Variants in AIG1 observed in about 807,000 individuals in gnomAD.
The protein encoded by AIG1 is androgen-induced gene 1 protein.
In AIG1, 23 loss-of-function variants were observed where a neutral mutation model predicts 31.4. The observed-to-expected ratio is 0.73, with a 90% CI of 0.53 to 1.04. AIG1 has a LOEUF of 1.04. Ranked by LOEUF, AIG1 falls within the 50% of genes least tolerant of loss-of-function variation. The pLI, the probability that AIG1 is intolerant of heterozygous loss-of-function variation, is 0.00. For synonymous variants in AIG1, 100 were observed against 110.5 expected (o/e 0.90, Z 0.60); for missense variants, 274 against 295.0 (o/e 0.93, Z 0.52).
At chr6:143,093,111 G>C (rs1478363795) in intron 1 of AIG1, among the ~76,000 whole-genome samples, 1 of 152,096 alleles carries the variant, frequency 6.6e-6, no homozygotes, top group Non-Finnish European at 1.5e-5. Flanking sequence ...GCCAGGCATT[G>C]ACTTCTCATT....
In AIG1 at chr6:143,299,218, C is replaced by G. The variant is rs1397455102; in HGVS notation, c.515+14993C>G. The G allele has an allele frequency of 6.6e-6, 1 of 152,226 alleles. No homozygotes were observed. The allele number at this position is 152,226 out of a possible 1,614,324, so 9.4% of individuals were successfully genotyped here. A position where few individuals can be genotyped will look rare whatever the true frequency, so the allele number is the denominator to read the frequency against. On this transcript the variant is annotated intron_variant, in intron 4 of 5. Transcript: ENST00000357847. The surrounding 1 kb of genome is among the most constrained non-coding windows in gnomAD (Gnocchi z 4.1). ...CTCCTGTTTGACATCCAGGACAGAG[C>G]AGTACCACTTCTCCTTAGCATCATG... is the stretch of plus-strand genomic sequence containing the variant.
intron 3 of AIG1, among the ~76,000 whole-genome samples, chr6:143,170,586 AGTTT>A (rs1232564757): frequency 1.0e-5 from 1 of 97,920 alleles, no homozygotes; most frequent in Non-Finnish European, 2.1e-5. Context: ...CAAAAAAACA[AGTTT>A]TTTTTTTTTT....
intron 1 of AIG1, among the ~76,000 whole-genome samples, chr6:143,061,891 C>T (rs954407687): frequency 6.6e-6 from 1 of 152,236 alleles, no homozygotes; most frequent in African/African-American, 2.4e-5. Context: ...CAATAATGAA[C>T]TCATGGATGG....
At position 143,326,016 on chromosome 6, in the gene AIG1, C is replaced by T. The variant is rs149584999; in HGVS notation, c.516-7266C>T. 5.5e-3 allele frequency among the ~76,000 whole-genome samples: 845 copies of T among 152,298 alleles called. 3 individuals carry two copies. Among genetic ancestry groups the T allele is most frequent in the Non-Finnish European group, 8.7e-3 (592 of 68,014 alleles). On this transcript the variant is annotated intron_variant, in intron 4 of 5. Coordinates refer to ENST00000357847, the MANE Select transcript of AIG1 (RefSeq NM_016108.4). This position sits in a 1 kb window ranked among gnomAD's most constrained non-coding sequence, Gnocchi z 4.5. ...CCAGCTCTCATGACAATCTCCAGCACGCCACACTCATGACTCAACAGTTTG... is the reference window on the plus strand; with the variant it reads ...CCAGCTCTCATGACAATCTCCAGCATGCCACACTCATGACTCAACAGTTTG...
Position 143,156,519 on chromosome 6 carries a change from A to T in AIG1, c.298-8563A>T, listed in dbSNP as rs541001078. Reference sequence around the variant, plus strand: ...ATTGTAAAGAATGTTTACTTTTTATACATTTCCTTATAGTGATTTATTTAT... The same window carrying T: ...ATTGTAAAGAATGTTTACTTTTTATTCATTTCCTTATAGTGATTTATTTAT... On this transcript the variant is annotated intron_variant, in intron 2 of 5. Coordinates refer to ENST00000357847, the MANE Select transcript of AIG1 (RefSeq NM_016108.4). Among the ~76,000 whole-genome samples, 15 of 152,334 alleles carry T rather than the reference A, an allele frequency of 9.8e-5. No homozygotes were observed. In the South Asian group the frequency reaches 3.1e-3, roughly 32 times the overall value.
intron 4 of AIG1, among the ~76,000 whole-genome samples, chr6:143,294,849 G>A (rs917097471): frequency 7.9e-5 from 12 of 151,872 alleles, no homozygotes; most frequent in Non-Finnish European, 1.8e-4. Context: ...TCATTTGCTG[G>A]CTCTTTCAAC....
chr6:143,104,911 A>AG (rs1174063755), intron 1 of AIG1, among the ~76,000 whole-genome samples: 1 of 151,966 alleles, frequency 6.6e-6, no homozygotes, highest in African/African-American at 2.4e-5. Flanking sequence ...AAAAAGAAAA[A>AG]AAAAAAAAGA....
chr6:143,341,579 G>C (rs1351411810), downstream of AIG1, among the ~76,000 whole-genome samples: 1 of 152,182 alleles, frequency 6.6e-6, no homozygotes, highest in Non-Finnish European at 1.5e-5. Context: ...CATACACAGA[G>C]GAAAGACCAT....
intron 1 of AIG1, among the ~76,000 whole-genome samples, chr6:143,088,127 G>A (rs904443650): frequency 7.9e-5 from 12 of 152,140 alleles, no homozygotes; most frequent in Non-Finnish European, 1.3e-4. Context: ...CAGTAATCAT[G>A]GGGTCTGCCT....
chr6:143,109,754 G>A (rs1179980976), intron 1 of AIG1, among the ~76,000 whole-genome samples: 1 of 152,042 alleles, frequency 6.6e-6, no homozygotes, highest in African/African-American at 2.4e-5. Context: ...CTGGCTTGTA[G>A]AAGGCAAGTT....
intron 3 of AIG1, among the ~76,000 whole-genome samples, chr6:143,271,116 T>G (rs777996084): frequency 6.6e-6 from 1 of 152,186 alleles, no homozygotes; most frequent in Non-Finnish European, 1.5e-5. Flanking sequence ...CATGAGGCCG[T>G]CAAATGTGAG....
intron 2 of AIG1, among the ~76,000 whole-genome samples, chr6:143,151,055 A>G (rs1268237716): frequency 1.3e-5 from 2 of 152,208 alleles, no homozygotes; most frequent in Non-Finnish European, 1.5e-5. Context: ...GTATATGTCT[A>G]TCTTTGAGTC....
intron 3 of AIG1, among the ~76,000 whole-genome samples, chr6:143,181,794 A>AAAG (rs113162227): frequency 0.022 from 3,408 of 152,244 alleles, 104 homozygotes; most frequent in African/African-American, 0.067. Flanking sequence ...GGAAAAGAGA[A>AAAG]AAAGAAGGAT....
At chr6:143,188,439 A>G in intron 3 of AIG1, 6 of 985,430 alleles carry the variant, frequency 6.1e-6, no homozygotes, top group Non-Finnish European at 7.2e-6. Context: ...GCTGTGCTTT[A>G]ACCTTATTTG....
Position 143,097,645 on chromosome 6 carries a change from C to A in AIG1, c.141+36579C>A, listed in dbSNP as rs141667435. The stretch of plus-strand genomic sequence containing the variant: ...TTCGATTCTCACAGTGCCTCTTTCA[C>A]CTGTTTTCCTCTATCCTCAAATCTT... On this transcript the variant is annotated intron_variant, in intron 1 of 5. Coordinates refer to ENST00000357847, the MANE Select transcript of AIG1 (RefSeq NM_016108.4). Among the ~76,000 whole-genome samples the A allele has an allele frequency of 9.0e-3, 1,374 of 152,292 alleles. 13 individuals are homozygous for A. Among genetic ancestry groups the A allele is most frequent in the Non-Finnish European group, 0.012 (839 of 68,022 alleles).
intron 3 of AIG1, among the ~76,000 whole-genome samples, chr6:143,237,104 G>A (rs906427481): frequency 6.6e-6 from 1 of 152,252 alleles, no homozygotes; most frequent in African/African-American, 2.4e-5. Context: ...CAGCACAAGA[G>A]TTTAACTGTT....
chr6:143,130,815 A>T (rs1005276310), intron 1 of AIG1, among the ~76,000 whole-genome samples: 1 of 152,186 alleles, frequency 6.6e-6, no homozygotes, highest in Non-Finnish European at 1.5e-5. Flanking sequence ...AGATTGTTTC[A>T]TCACCCAGGT....
In AIG1 at chr6:143,293,420, T is replaced by C. The variant is rs1274880377; in HGVS notation, c.515+9195T>C. Among the ~76,000 whole-genome samples the C allele has an allele frequency of 6.6e-6, 1 of 152,198 alleles. No individual in the cohort carries two copies. Among genetic ancestry groups the C allele is most frequent in the Non-Finnish European group, 1.5e-5 (1 of 68,034 alleles). On this transcript the variant is annotated intron_variant, in intron 4 of 5. Coordinates refer to ENST00000357847, the MANE Select transcript of AIG1 (RefSeq NM_016108.4). The surrounding 1 kb of genome is among the most constrained non-coding windows in gnomAD (Gnocchi z 4.8). ...TGTCATTGCTTTCCCATTATTCCAA[T>C]CTGCGTATTTTTACAAGCACTGTGC...
intron 1 of AIG1, chr6:143,126,185 C>A (rs1048069548): frequency 9.2e-5 from 14 of 152,144 alleles, no homozygotes; most frequent in Admixed American, 7.9e-4. Flanking sequence ...ATTCACCAGG[C>A]GGTGCATCTA....
Sources: allele counts gnomAD v4.1 joint callset (sites outside exome capture counted in the v4.1 genomes callset), GRCh38; gene constraint gnomAD v4.1.1; non-coding constraint Gnocchi (gnomAD v3.1); transcripts MANE v1.5; gene names NCBI Gene and HGNC (gene_info 2026-07-23, HGNC 2026-07-21).